Variants in ADGRB3 observed in about 807,000 individuals in gnomAD.
ADGRB3 encodes adhesion G protein-coupled receptor B3.
Under a neutral mutation model 193.4 loss-of-function variants are expected in ADGRB3, and 37 were observed. That is an observed-to-expected ratio of 0.19 (90% CI 0.15 to 0.25). ADGRB3 has a LOEUF of 0.25. Among genes scored for constraint, ADGRB3 ranks in the 10% least tolerant of loss-of-function variants. The pLI, the probability that ADGRB3 is intolerant of heterozygous loss-of-function variation, is 1.00. For synonymous variants in ADGRB3, 690 were observed against 644.2 expected (o/e 1.07, Z -1.08); for missense variants, 1,637 against 1,852.9 (o/e 0.88, Z 2.14).
At chr6:69,124,706 G>T (rs529566167) in intron 17 of ADGRB3, among the ~76,000 whole-genome samples, 1 of 152,164 alleles carries the variant, frequency 6.6e-6, no homozygotes, top group Admixed American at 6.5e-5. Context: ...TCTACTTTTT[G>T]ATTTATTCTT....
intron 20 of ADGRB3, among the ~76,000 whole-genome samples, chr6:69,255,356 C>T (rs1766736479): frequency 6.6e-6 from 1 of 152,134 alleles, no homozygotes; most frequent in Non-Finnish European, 1.5e-5. Context: ...TCTCCACATC[C>T]TCTCCAGCAC....
Position 68,638,689 on chromosome 6 carries a change from G to A in ADGRB3, c.14G>A (p.Arg5His). The change falls in exon 3 of 32, where the codon CGT (arginine) becomes CAT (histidine). Residue 5 changes from arginine to histidine, a missense_variant. Arg to His is a conservative substitution (Grantham distance 29). Transcript: ENST00000370598. MKAV[R>H]NLLIYIFSTY... ...AAATGACATAGGATGAAGGCTGTTC[G>A]TAACCTGCTGATTTATATATTTTCC... The A allele has an allele frequency of 1.9e-6, 3 of 1,613,260 alleles. No homozygotes were observed. The highest frequency in any genetic ancestry group is 1.7e-6 in the Non-Finnish European group (2 of 1,179,562).
At chr6:69,355,055 C>T (rs1398501434) in intron 27 of ADGRB3, among the ~76,000 whole-genome samples, 2 of 151,994 alleles carry the variant, frequency 1.3e-5, no homozygotes, top group Non-Finnish European at 2.9e-5. Context: ...ACATTAGTAA[C>T]TAAGACTTTA....
chr6:68,646,959 C>A (rs1768230786), intron 3 of ADGRB3, among the ~76,000 whole-genome samples: 1 of 152,124 alleles, frequency 6.6e-6, no homozygotes. Flanking sequence ...TGAGTATAAT[C>A]CTGGGGACCA....
chr6:68,805,544 A>C (rs142739026), intron 3 of ADGRB3, among the ~76,000 whole-genome samples: 80 of 152,324 alleles, frequency 5.3e-4, no homozygotes, highest in African/African-American at 1.7e-3. Flanking sequence ...CTCTCAAAGG[A>C]AATTCTGGTA....
chr6:68,636,239 T>C (rs1767946482), intron 1 of ADGRB3, among the ~76,000 whole-genome samples: 1 of 151,840 alleles, frequency 6.6e-6, no homozygotes, highest in African/African-American at 2.4e-5. Flanking sequence ...ACCTAGAAAA[T>C]CTGGCAGTTT....
At chr6:68,933,087 A>T (rs1486139074) in intron 4 of ADGRB3, among the ~76,000 whole-genome samples, 1 of 150,558 alleles carries the variant, frequency 6.6e-6, no homozygotes, top group Non-Finnish European at 1.5e-5. Context: ...AGGAATATAA[A>T]ATTAAATGAT....
chr6:68,962,226 A>G (rs1449589212), intron 8 of ADGRB3, among the ~76,000 whole-genome samples: 1 of 152,206 alleles, frequency 6.6e-6, no homozygotes, highest in African/African-American at 2.4e-5. Context: ...TGCTTTTAAT[A>G]AATACCTAAA....
chr6:68,839,745 C>A lies in ADGRB3; in HGVS notation c.758-90814C>A, dbSNP rs1768114921. Reference sequence around the variant, plus strand: ...AGAGCCCTTCATAAGAAGCAGAAATCAGATGAGCAATTATAGTACCTGGTT... The same window carrying A: ...AGAGCCCTTCATAAGAAGCAGAAATAAGATGAGCAATTATAGTACCTGGTT... On this transcript the variant is annotated intron_variant, in intron 3 of 31. Coordinates refer to ENST00000370598, the MANE Select transcript of ADGRB3 (RefSeq NM_001704.3). Among the ~76,000 whole-genome samples, 5 of 152,172 alleles carry A rather than the reference C, an allele frequency of 3.3e-5. No individual in the cohort carries two copies. The South Asian group carries it at 1.0e-3, about 32-fold the overall frequency.
At chr6:69,054,785 A>C (rs1398239228) in intron 15 of ADGRB3, among the ~76,000 whole-genome samples, 1 of 152,168 alleles carries the variant, frequency 6.6e-6, no homozygotes, top group African/African-American at 2.4e-5. Context: ...AACTCCTTTC[A>C]AGCTTTAAGT....
At chr6:69,365,264 A>G (rs1769544144) in intron 29 of ADGRB3, among the ~76,000 whole-genome samples, 1 of 152,064 alleles carries the variant, frequency 6.6e-6, no homozygotes, top group Non-Finnish European at 1.5e-5. Flanking sequence ...TGAGGAAAAG[A>G]GGGAAACCTG....
chr6:69,345,696 A>G (rs1382243750), intron 26 of ADGRB3, among the ~76,000 whole-genome samples: 1 of 152,190 alleles, frequency 6.6e-6, no homozygotes, highest in Non-Finnish European at 1.5e-5. Context: ...AACTGGCACT[A>G]GATAAAGATG....
chr6:69,174,871 T>C (rs1391707878), intron 17 of ADGRB3, among the ~76,000 whole-genome samples: 1 of 152,204 alleles, frequency 6.6e-6, no homozygotes, highest in Non-Finnish European at 1.5e-5. Flanking sequence ...ATGTGGAGAA[T>C]TTTTCACTTT....
chr6:69,344,184 T>C (rs1416554752), intron 26 of ADGRB3, among the ~76,000 whole-genome samples: 1 of 152,182 alleles, frequency 6.6e-6, no homozygotes, highest in Non-Finnish European at 1.5e-5. Context: ...AGTGCTTAAA[T>C]GGATAATTTT....
At chr6:69,030,191 T>C (rs887420402) in intron 13 of ADGRB3, among the ~76,000 whole-genome samples, 4 of 152,166 alleles carry the variant, frequency 2.6e-5, no homozygotes, top group Non-Finnish European at 4.4e-5. Context: ...TCAACCATTG[T>C]GGAAGACAGT....
rs1765438029 is a variant in ADGRB3 at position 68,870,924 on chromosome 6, G to T, written c.758-59635G>T. Among the ~76,000 whole-genome samples, 8 of 152,252 alleles carry T rather than the reference G, an allele frequency of 5.3e-5. No homozygotes were observed. In the South Asian group the frequency reaches 1.7e-3, roughly 32 times the overall value. ...TGCAGAGTAGCCTGCTCAAAGGATA[G>T]GTCCTTCTGTGGCTTGACACTAATC... On this transcript the variant is annotated intron_variant, in intron 3 of 31. Coordinates refer to ENST00000370598, the MANE Select transcript of ADGRB3 (RefSeq NM_001704.3).
chr6:69,302,750 A>G (rs556727962), intron 20 of ADGRB3, among the ~76,000 whole-genome samples: 1 of 152,110 alleles, frequency 6.6e-6, no homozygotes, highest in South Asian at 2.1e-4. Context: ...TGAAGATGCC[A>G]TCATTTTTAT....
intron 17 of ADGRB3, among the ~76,000 whole-genome samples, chr6:69,086,100 T>C (rs1031365392): frequency 6.6e-6 from 1 of 152,034 alleles, no homozygotes; most frequent in Non-Finnish European, 1.5e-5. Flanking sequence ...ATATTTGGAG[T>C]CAAATTGAGA....
At chr6:69,197,284 A>G (rs1199378188) in intron 17 of ADGRB3, among the ~76,000 whole-genome samples, 2 of 151,972 alleles carry the variant, frequency 1.3e-5, no homozygotes, top group Non-Finnish European at 2.9e-5. Flanking sequence ...TTAACTTTTA[A>G]TTTTTACAAA....
Sources: allele counts gnomAD v4.1 joint callset (sites outside exome capture counted in the v4.1 genomes callset), GRCh38; gene constraint gnomAD v4.1.1; transcripts MANE v1.5; gene names NCBI Gene and HGNC (gene_info 2026-07-23, HGNC 2026-07-21).